The following MTREX variants were observed in gnomAD, a reference collection of about 807,000 sequenced individuals.
MTREX encodes the protein Mtr4 exosome RNA helicase.
MTREX carries 76 observed loss-of-function variants against 135.4 expected under a neutral mutation model. That is an observed-to-expected ratio of 0.56 (90% CI 0.47 to 0.68). The LOEUF (loss-of-function observed/expected upper bound fraction) is 0.68. Ranked by LOEUF, MTREX falls within the 30% of genes least tolerant of loss-of-function variation. MTREX has a pLI of 0.00. For synonymous variants in MTREX, 404 were observed against 401.6 expected (o/e 1.01, Z -0.07); for missense variants, 920 against 1,262.1 (o/e 0.73, Z 4.11).
intron 16 of MTREX, among the ~76,000 whole-genome samples, chr5:55,367,185 G>A (rs1750117299): frequency 6.6e-6 from 1 of 152,062 alleles, no homozygotes; most frequent in Non-Finnish European, 1.5e-5. Context: ...ATTAAAACTT[G>A]ACCTGTAAAA....
At chr5:55,323,365 C>G (rs1306451671) in intron 2 of MTREX, among the ~76,000 whole-genome samples, 2 of 152,022 alleles carry the variant, frequency 1.3e-5, no homozygotes, top group African/African-American at 4.8e-5. Flanking sequence ...CCAGTTTTGC[C>G]TTTTCAGAGT....
intron 1 of MTREX, among the ~76,000 whole-genome samples, chr5:55,317,510 A>C (rs1204814933): frequency 6.6e-6 from 1 of 152,214 alleles, no homozygotes; most frequent in Non-Finnish European, 1.5e-5. Context: ...GACAAAACTA[A>C]CAAAACGAAG....
chr5:55,329,532 GT>G (rs1417129126), intron 5 of MTREX: 1 of 152,000 alleles, frequency 6.6e-6, no homozygotes, highest in Non-Finnish European at 1.5e-5. Flanking sequence ...GTTTGATCTT[GT>G]TTTCTGTACA....
chr5:55,314,654 A>G (rs1749168803), intron 1 of MTREX, among the ~76,000 whole-genome samples: 1 of 152,196 alleles, frequency 6.6e-6, no homozygotes, highest in Non-Finnish European at 1.5e-5. Context: ...TGGTCTTGTA[A>G]GACCTATATT....
At chr5:55,313,057 G>A (rs1279609909) in intron 1 of MTREX, among the ~76,000 whole-genome samples, 2 of 152,006 alleles carry the variant, frequency 1.3e-5, no homozygotes, top group African/African-American at 4.8e-5. Context: ...AATTCATACT[G>A]ACATTTCCAG....
intron 1 of MTREX, among the ~76,000 whole-genome samples, chr5:55,316,818 CA>C (rs1479789679): frequency 6.6e-5 from 10 of 152,218 alleles, no homozygotes; most frequent in Admixed American, 6.5e-4. Context: ...AAAGGGCATC[CA>C]AATAGGAAGA....
chr5:55,416,920 A>G (rs1375701878), intron 25 of MTREX, among the ~76,000 whole-genome samples: 1 of 152,180 alleles, frequency 6.6e-6, no homozygotes, highest in Non-Finnish European at 1.5e-5. Context: ...TAACATGCCA[A>G]ATATTATAGG....
At chr5:55,314,982 C>A (rs1055860783) in intron 1 of MTREX, among the ~76,000 whole-genome samples, 1 of 152,200 alleles carries the variant, frequency 6.6e-6, no homozygotes, top group Non-Finnish European at 1.5e-5. Context: ...TGCTCACTTC[C>A]TGCTATGCAG....
At chr5:55,419,033 T>G (rs1048047554) in intron 25 of MTREX, among the ~76,000 whole-genome samples, 2 of 152,118 alleles carry the variant, frequency 1.3e-5, no homozygotes, top group African/African-American at 2.4e-5. Flanking sequence ...TTTGTAGAGA[T>G]ATGATTTTAC....
At chr5:55,319,174 A>C (rs1000913332) in intron 1 of MTREX, among the ~76,000 whole-genome samples, 1 of 152,232 alleles carries the variant, frequency 6.6e-6, no homozygotes, top group African/African-American at 2.4e-5. Flanking sequence ...TCTGAAAATG[A>C]GAGCATTCTT....
chr5:55,319,423 A>G (rs756481585), intron 1 of MTREX, among the ~76,000 whole-genome samples: 4 of 152,142 alleles, frequency 2.6e-5, no homozygotes, highest in East Asian at 3.8e-4. Context: ...AAATTCCTCT[A>G]TAGGTTAGAG....
chr5:55,343,382 A>G lies in MTREX; in HGVS notation c.833A>G (p.His278Arg). Residue 278 changes from histidine to arginine, a missense_variant, in exon 8 of 27, where the codon CAC (histidine) becomes CGC (arginine). His to Arg is a conservative substitution (Grantham distance 29, BLOSUM62 0). Coordinates refer to ENST00000230640, the MANE Select transcript of MTREX (RefSeq NM_015360.5). ...ATTATTTTGCTTCCTGATAACGTCC[A>G]CTATGTCTTTCTTTCGGCTACTATT... ...ETIILLPDNV[H>R]YVFLSATIPN... 6.2e-7 allele frequency: 1 copy of G among 1,613,154 alleles called. No homozygotes were observed.
intron 5 of MTREX, among the ~76,000 whole-genome samples, chr5:55,334,619 A>G (rs543132721): frequency 6.6e-6 from 1 of 152,114 alleles, no homozygotes; most frequent in Non-Finnish European, 1.5e-5. Flanking sequence ...CATTAAATTT[A>G]TCTATCATAA....
chr5:55,402,848 ATGTATGTGTGTGTGTGTGTGTGTG>A (rs1750744970), intron 21 of MTREX, among the ~76,000 whole-genome samples: 2 of 44,904 alleles, frequency 4.5e-5, no homozygotes, highest in Non-Finnish European at 4.9e-5. Context: ...GTGTATGTGT[ATGTATGTGTGTGTGTGTGTGTGTG>A]TATATATATA....
Position 55,405,532 on chromosome 5 carries a change from T to C in MTREX, c.2589T>C (p.Phe863=). The C allele has an allele frequency of 6.2e-7, 1 of 1,613,982 alleles. No individual in the cohort carries two copies. Among genetic ancestry groups the C allele is most frequent in the Non-Finnish European group, 8.5e-7 (1 of 1,179,840 alleles). ...AACGTGTTTTAAGAAGGTTGGGATT[T>C]GCTACTTCTTCTGATGTAATAGAGA... ...CRKRVLRRLG[F]ATSSDVIEMK... is the part of the protein sequence containing the mutation. Residue 863 remains phenylalanine, a synonymous_variant, in exon 22 of 27, where the codon TTT becomes TTC. Coordinates refer to ENST00000230640, the MANE Select transcript of MTREX (RefSeq NM_015360.5).
At chr5:55,388,136 A>G (rs1325261504) in intron 19 of MTREX, 34 bp downstream of exon 19, 1 of 1,568,358 alleles carries the variant, frequency 6.4e-7, no homozygotes, top group East Asian at 2.3e-5. Flanking sequence ...CTGATTTCAG[A>G]TATTCTGTAA....
intron 5 of MTREX, among the ~76,000 whole-genome samples, chr5:55,338,692 C>G (rs1749592351): frequency 6.8e-6 from 1 of 146,980 alleles, no homozygotes; most frequent in Admixed American, 6.9e-5. Context: ...CTCAATTTAT[C>G]TTCATGTTCA....
intron 14 of MTREX, among the ~76,000 whole-genome samples, chr5:55,355,466 A>G (rs1289062230): frequency 6.6e-6 from 1 of 152,094 alleles, no homozygotes; most frequent in Non-Finnish European, 1.5e-5. Flanking sequence ...GGGGGATGGA[A>G]TGGACATCCA....
chr5:55,328,110 C>T (rs925149706), intron 4 of MTREX, among the ~76,000 whole-genome samples: 5 of 152,036 alleles, frequency 3.3e-5, no homozygotes, highest in Non-Finnish European at 7.4e-5. Flanking sequence ...CTAATGAAAC[C>T]GGAACTCTGT....
Sources: gnomAD v4.1 joint callset for allele counts (sites outside exome capture counted in the v4.1 genomes callset) on GRCh38, gnomAD v4.1.1 for gene constraint, MANE v1.5 for transcripts, NCBI Gene and HGNC (gene_info 2026-07-23, HGNC 2026-07-21) for gene names.